PITPNM2: variants seen among roughly 807,000 people sequenced by gnomAD.
PITPNM2 encodes phosphatidylinositol transfer protein membrane associated 2.
PITPNM2 carries 35 observed loss-of-function variants against 132.2 expected under a neutral mutation model. That is an observed-to-expected ratio of 0.26 (90% CI 0.20 to 0.35). The LOEUF is 0.35. Among genes scored for constraint, PITPNM2 ranks in the 10% least tolerant of loss-of-function variants. The pLI is 1.00. For missense variants in PITPNM2, 1,332 were observed against 1,912.0 expected (o/e 0.70, Z 5.66); for synonymous variants, 738 against 799.2 (o/e 0.92, Z 1.29).
intron 3 of PITPNM2, among the ~76,000 whole-genome samples, chr12:123,028,018 T>C (rs529545896): frequency 6.6e-6 from 1 of 152,304 alleles, no homozygotes; most frequent in South Asian, 2.1e-4. Flanking sequence ...CGGTACTGTT[T>C]TCAGAGACAG....
At chr12:122,986,383 T>C in intron 25 of PITPNM2, 33 bp from the exon 26 acceptor site, 1 of 1,573,004 alleles carries the variant, frequency 6.4e-7, no homozygotes, top group Non-Finnish European at 8.6e-7. Flanking sequence ...TGTCACAGGC[T>C]GGGGCTCCCC....
At chr12:123,021,647 G>A (rs2039675737) in intron 3 of PITPNM2, 1 of 983,498 alleles carries the variant, frequency 1.0e-6, no homozygotes, top group Non-Finnish European at 1.2e-6. Context: ...ACAGCAAGCT[G>A]CCCTTCCCTG....
At chr12:123,112,117 C>T (rs1308889214) in intron 1 of PITPNM2, among the ~76,000 whole-genome samples, 1 of 152,182 alleles carries the variant, frequency 6.6e-6, no homozygotes, top group East Asian at 1.9e-4. Flanking sequence ...AAGAGAGGCA[C>T]TGCAGGGAAT....
At position 122,984,992 on chromosome 12, in the gene PITPNM2, C is replaced by T. The variant is rs1049754737; in HGVS notation, c.*1035G>A. The T allele has an allele frequency of 4.6e-5, 7 of 152,334 alleles. No individual in the cohort carries two copies. The highest frequency in any genetic ancestry group is 1.0e-4 in the Non-Finnish European group (7 of 68,034). The allele number at this position is 152,334 out of a possible 1,614,324, so 9.4% of individuals were successfully genotyped here. ...AAAACGGAATTGGCATTAAAAAAAC[C>T]GAAGTGTGTGCCCCACCCACCCCAG... On this transcript the variant is annotated 3_prime_UTR_variant, in exon 26 of 26. Transcript: ENST00000320201.
rs1044640315 is a variant in PITPNM2 at position 123,009,007 on chromosome 12, A to C, written c.643+843T>G. Among the ~76,000 whole-genome samples, 1 of 152,190 alleles carries C rather than the reference A, an allele frequency of 6.6e-6. No individual in the cohort carries two copies. The highest frequency in any genetic ancestry group is 1.5e-5 in the Non-Finnish European group (1 of 68,034). ...TGGGAGGCAGATCTAGTTCAGCCCC[A>C]GTGTTGGGTCTCTGCTTCCTCCTGC... is the stretch of plus-strand genomic sequence containing the variant. On this transcript the variant is annotated intron_variant, in intron 6 of 25. Coordinates refer to ENST00000320201, the MANE Select transcript of PITPNM2 (RefSeq NM_020845.3). This position sits in a 1 kb window ranked among gnomAD's most constrained non-coding sequence, Gnocchi z 4.8.
intron 2 of PITPNM2, among the ~76,000 whole-genome samples, chr12:123,038,077 C>T (rs993909055): frequency 3.9e-5 from 6 of 152,214 alleles, no homozygotes; most frequent in South Asian, 2.1e-4. Context: ...AGCTTAGGAC[C>T]GTGCAAGGGC....
chr12:123,146,542 C>G (rs906678142), intron 1 of PITPNM2, among the ~76,000 whole-genome samples: 2 of 151,608 alleles, frequency 1.3e-5, no homozygotes, highest in African/African-American at 4.9e-5. Flanking sequence ...TGCAGTGAGC[C>G]AAGATCACAT....
In PITPNM2 at chr12:122,993,825, T is replaced by G. The variant is rs370736747; in HGVS notation, c.2233+976A>C. Among the ~76,000 whole-genome samples the G allele has an allele frequency of 4.9e-4, 74 of 152,312 alleles. 3 individuals carry two copies. In the South Asian group the frequency reaches 0.012, roughly 26 times the overall value. On this transcript the variant is annotated intron_variant, in intron 15 of 25. Coordinates refer to ENST00000320201, the MANE Select transcript of PITPNM2 (RefSeq NM_020845.3). The surrounding 1 kb of genome is among the most constrained non-coding windows in gnomAD (Gnocchi z 5.2). The stretch of plus-strand genomic sequence containing the variant: ...TCCTGGCAGTGCTGAAGTCGCCAGT[T>G]TATGGAAGGGGAAGGCACTTGGGTG...
chr12:123,029,584 T>A (rs1469819479), intron 3 of PITPNM2, among the ~76,000 whole-genome samples: 2 of 152,030 alleles, frequency 1.3e-5, no homozygotes, highest in African/African-American at 4.8e-5. Flanking sequence ...AGACTTCATC[T>A]CAAAAAAACA....
chr12:123,062,248 C>T (rs961938422), intron 2 of PITPNM2, among the ~76,000 whole-genome samples: 12 of 152,286 alleles, frequency 7.9e-5, no homozygotes, highest in African/African-American at 2.6e-4. Flanking sequence ...TCTCTCCGTC[C>T]TTAGATCTGA....
chr12:122,992,032 A>T lies in PITPNM2; in HGVS notation c.2404+467T>A. 1.2e-6 allele frequency: 1 copy of T among 857,826 alleles called. No homozygotes were observed. The highest frequency in any genetic ancestry group is 1.6e-6 in the Non-Finnish European group (1 of 642,074). The allele number at this position is 857,826 out of a possible 1,614,324, so 53.1% of individuals were successfully genotyped here. ...AAGACGCTGGGACACACGCTGGGGC[A>T]GGGGTCGGGCCAAGCCTACCTGGAC... On this transcript the variant is annotated intron_variant, in intron 16 of 25. Transcript: ENST00000320201. The surrounding 1 kb of genome is among the most constrained non-coding windows in gnomAD (Gnocchi z 6.5).
rs1180384897 is a variant in PITPNM2 at position 123,117,526 on chromosome 12, C to T, written c.-199-7038G>A. Among the ~76,000 whole-genome samples, 1 of 152,186 alleles carries T rather than the reference C, an allele frequency of 6.6e-6. No individual in the cohort carries two copies. The highest frequency in any genetic ancestry group is 1.9e-4 in the East Asian group (1 of 5,200). On this transcript the variant is annotated intron_variant, in intron 1 of 25. Transcript: ENST00000320201. The surrounding 1 kb of genome is among the most constrained non-coding windows in gnomAD (Gnocchi z 4.7). ...TTTCCCCATCTGTAGAGTGAGGAGGCTGGGCTTCATGACCTCTGAAAGGGT... is the reference window on the plus strand; with the variant it reads ...TTTCCCCATCTGTAGAGTGAGGAGGTTGGGCTTCATGACCTCTGAAAGGGT...
intron 13 of PITPNM2, 78 bp downstream of exon 13, chr12:122,996,380 G>C: frequency 6.4e-7 from 1 of 1,569,678 alleles, no homozygotes; most frequent in Admixed American, 1.8e-5. Flanking sequence ...CCAGGTGCAG[G>C]AACAGGCAGG....
intron 10 of PITPNM2, among the ~76,000 whole-genome samples, chr12:122,999,507 C>T (rs2038568717): frequency 6.6e-6 from 1 of 152,158 alleles, no homozygotes; most frequent in South Asian, 2.1e-4. Flanking sequence ...AGGGAGGTGA[C>T]ATCCAGCGGT....
rs2042454428 is a variant in PITPNM2 at position 123,097,945 on chromosome 12, G to C, written c.-96+12440C>G. ...GCCTTGGCCCTCTGTAGTGATGCAG[G>C]GGACATGTCGAAAATGATACATCAC... On this transcript the variant is annotated intron_variant, in intron 2 of 25. Coordinates refer to ENST00000320201, the MANE Select transcript of PITPNM2 (RefSeq NM_020845.3). The surrounding 1 kb of genome is among the most constrained non-coding windows in gnomAD (Gnocchi z 4.7). Among the ~76,000 whole-genome samples, 1 of 152,190 alleles carries C rather than the reference G, an allele frequency of 6.6e-6. No individual in the cohort carries two copies. The highest frequency in any genetic ancestry group is 1.5e-5 in the Non-Finnish European group (1 of 68,034).
In PITPNM2 at chr12:122,986,051, C is replaced by T. The variant is rs760544738; in HGVS notation, c.4026G>A (p.Pro1342=). 7.1e-6 allele frequency: 10 copies of T among 1,411,318 alleles called. No individual in the cohort carries two copies. The highest frequency in any genetic ancestry group is 3.3e-5 in the Admixed American group (1 of 30,096). 87.4% of individuals were successfully genotyped at this position (1,411,318 alleles called of 1,614,324 possible). A position where few individuals can be genotyped will look rare whatever the true frequency, so the allele number is the denominator to read the frequency against. ...CCTACTTGGGGCCCGCGGCTGCCCCCGGCTCCAGGCGGCCAGTCATGGCGC... is the reference window on the plus strand; with the variant it reads ...CCTACTTGGGGCCCGCGGCTGCCCCTGGCTCCAGGCGGCCAGTCATGGCGC... ...WGRAMTGRLE[P]GAAAGPK The change falls in exon 26 of 26, where the codon CCG becomes CCA. Residue 1342 remains proline (P), a synonymous_variant. Coordinates refer to ENST00000320201, the MANE Select transcript of PITPNM2 (RefSeq NM_020845.3).
intron 25 of PITPNM2, 32 bp from the exon 26 acceptor site, chr12:122,986,382 C>G: frequency 6.4e-7 from 1 of 1,572,204 alleles, no homozygotes; most frequent in Non-Finnish European, 8.6e-7. Flanking sequence ...CTGTCACAGG[C>G]TGGGGCTCCC....
chr12:123,031,064 TG>T lies in PITPNM2; in HGVS notation c.78+3448del, dbSNP rs1354061336. On this transcript the variant is annotated intron_variant, in intron 3 of 25. Coordinates refer to ENST00000320201, the MANE Select transcript of PITPNM2 (RefSeq NM_020845.3). The surrounding 1 kb of genome is among the most constrained non-coding windows in gnomAD (Gnocchi z 4.5). ...GATGAAAGTGTTTTGGAACTAAAGT[TG>T]GTGGTTGCACAACATTGTGAGTATA... Among the ~76,000 whole-genome samples the T allele has an allele frequency of 6.6e-6, 1 of 152,218 alleles. No homozygotes were observed. Among genetic ancestry groups the T allele is most frequent in the Non-Finnish European group, 1.5e-5 (1 of 68,038 alleles).
chr12:123,135,663 G>A (rs560939773), intron 1 of PITPNM2, among the ~76,000 whole-genome samples: 2 of 152,242 alleles, frequency 1.3e-5, no homozygotes, highest in East Asian at 1.9e-4. Flanking sequence ...TGTCCTAAAC[G>A]TTCATCCATG....
Sources: allele counts gnomAD v4.1 joint callset (sites outside exome capture counted in the v4.1 genomes callset), GRCh38; gene constraint gnomAD v4.1.1; non-coding constraint Gnocchi (gnomAD v3.1); transcripts MANE v1.5; gene names NCBI Gene and HGNC (gene_info 2026-07-23, HGNC 2026-07-21).